ZNF362: variants seen among roughly 807,000 people sequenced by gnomAD.
The protein encoded by ZNF362 is rotund homolog.
Under a neutral mutation model 42.9 loss-of-function variants are expected in ZNF362, and 11 were observed. That is an observed-to-expected ratio of 0.26 (90% CI 0.16 to 0.42). The LOEUF (loss-of-function observed/expected upper bound fraction) is 0.42. ZNF362 is among the 20% of genes least tolerant of loss of function. The pLI is 1.00. For missense variants in ZNF362, 362 were observed against 576.2 expected (o/e 0.63, Z 3.81); for synonymous variants, 255 against 257.3 (o/e 0.99, Z 0.09).
chr1:33,262,514 A>G lies in ZNF362; in HGVS notation c.-89+5860A>G, dbSNP rs555272309. ...AGTAGAGATGGGGTTTCACCGTGTT[A>G]GCCAGGATGGTCTCGATCTCCTGAC... On this transcript the variant is annotated intron_variant, in intron 1 of 8. Coordinates refer to ENST00000539719, the MANE Select transcript of ZNF362 (RefSeq NM_152493.3). Among the ~76,000 whole-genome samples, 689 of 151,962 alleles carry G rather than the reference A, an allele frequency of 4.5e-3. 5 individuals carry two copies. Among genetic ancestry groups the G allele is most frequent in the African/African-American group, 0.015 (641 of 41,412 alleles).
the ZNF362 span, among the ~76,000 whole-genome samples, chr1:33,250,832 GAA>G: frequency 7.7e-6 from 1 of 129,272 alleles, no homozygotes; most frequent in Non-Finnish European, 1.7e-5. Flanking sequence ...AAGAAGAAAA[GAA>G]GAAGAAAGAA....
the ZNF362 span, among the ~76,000 whole-genome samples, chr1:33,218,121 A>G: frequency 6.6e-6 from 1 of 152,142 alleles, no homozygotes; most frequent in Admixed American, 6.5e-5. Context: ...TTTTAGGATA[A>G]ATTTCTAGAT....
chr1:33,213,237 AC>A, the ZNF362 span, among the ~76,000 whole-genome samples: 1 of 152,072 alleles, frequency 6.6e-6, no homozygotes, highest in African/African-American at 2.4e-5. Flanking sequence ...CAGGTGACCC[AC>A]CCACCTCAGC....
At chr1:33,149,915 C>T in the ZNF362 span, among the ~76,000 whole-genome samples, 1 of 152,230 alleles carries the variant, frequency 6.6e-6, no homozygotes, top group South Asian at 2.1e-4. Context: ...CAGGGCCTGG[C>T]TTGTGGCACA....
At chr1:33,167,969 A>T in the ZNF362 span, among the ~76,000 whole-genome samples, 1 of 152,212 alleles carries the variant, frequency 6.6e-6, no homozygotes, top group Non-Finnish European at 1.5e-5. This position sits in a 1 kb window ranked among gnomAD's most constrained non-coding sequence, Gnocchi z 4.2. Flanking sequence ...CCCTGATCAT[A>T]GGGACTAGTC....
chr1:33,167,356 C>CTTA, the ZNF362 span, among the ~76,000 whole-genome samples: 1 of 152,180 alleles, frequency 6.6e-6, no homozygotes, highest in Non-Finnish European at 1.5e-5. This position sits in a 1 kb window ranked among gnomAD's most constrained non-coding sequence, Gnocchi z 4.2. Flanking sequence ...TGTTCCCTGC[C>CTTA]TTATGCCCAG....
chr1:33,274,870 C>T (rs79297121), intron 2 of ZNF362: 10,030 of 860,354 alleles, frequency 0.012, 74 homozygotes, highest in Non-Finnish European at 0.013. Context: ...ATAATAATAC[C>T]TCTTGTGCCT....
At chr1:33,234,860 G>C in the ZNF362 span, among the ~76,000 whole-genome samples, 76 of 152,324 alleles carry the variant, frequency 5.0e-4, no homozygotes, top group Non-Finnish European at 9.8e-4. Flanking sequence ...GGAGATCAAA[G>C]AGTGGTTTCC....
At chr1:33,127,914 C>T in the ZNF362 span, among the ~76,000 whole-genome samples, 1 of 152,110 alleles carries the variant, frequency 6.6e-6, no homozygotes, top group East Asian at 1.9e-4. Context: ...GTCTTAATGA[C>T]AAGGACTCCT....
At chr1:33,277,652 G>A (rs995557798) in intron 4 of ZNF362, among the ~76,000 whole-genome samples, 43 of 152,304 alleles carry the variant, frequency 2.8e-4, no homozygotes, top group African/African-American at 1.0e-3. Context: ...GAAGTGGACA[G>A]ATATGAGATA....
At chr1:33,147,331 C>A in the ZNF362 span, 28 of 1,614,202 alleles carry the variant, frequency 1.7e-5, no homozygotes, top group East Asian at 4.2e-4. This position sits in a 1 kb window ranked among gnomAD's most constrained non-coding sequence, Gnocchi z 8.1. Context: ...GATGAGCAAG[C>A]CTTGGTCATA....
At chr1:33,188,105 G>T in the ZNF362 span, among the ~76,000 whole-genome samples, 106,633 of 151,696 alleles carry the variant, frequency 0.7, 38,013 homozygotes, top group Non-Finnish European at 0.76. Flanking sequence ...GTGGTGGCGG[G>T]TGCCTGTAAT....
chr1:33,288,802 G>A (rs1188199855), intron 6 of ZNF362, among the ~76,000 whole-genome samples: 3 of 148,342 alleles, frequency 2.0e-5, no homozygotes, highest in Non-Finnish European at 4.5e-5. Context: ...ACTTCCCATC[G>A]CCGCAGATGT....
At chr1:33,217,779 T>TCC in the ZNF362 span, among the ~76,000 whole-genome samples, 8 of 77,224 alleles carry the variant, frequency 1.0e-4, no homozygotes, top group Non-Finnish European at 2.7e-4. Context: ...ACTCCTTATG[T>TCC]TCACACACAC....
At chr1:33,298,891 C>T (rs367597987) in intron 8 of ZNF362, 39 bp from the exon 9 acceptor site, 19 of 1,566,052 alleles carry the variant, frequency 1.2e-5, no homozygotes, top group Non-Finnish European at 1.6e-5. Context: ...CCCTCCCTTG[C>T]TGGTGGTTCC....
the ZNF362 span, chr1:33,158,457 G>T: frequency 2.0e-6 from 2 of 1,005,928 alleles, no homozygotes; most frequent in Non-Finnish European, 1.6e-6. Flanking sequence ...AGGGCAGCTG[G>T]CATAGGATGT....
At chr1:33,188,008 G>A in the ZNF362 span, among the ~76,000 whole-genome samples, 1 of 152,080 alleles carries the variant, frequency 6.6e-6, no homozygotes, top group African/African-American at 2.4e-5. Context: ...GGCCGAGACG[G>A]GCAGATCACG....
At chr1:33,152,491 T>C in the ZNF362 span, among the ~76,000 whole-genome samples, 1 of 149,898 alleles carries the variant, frequency 6.7e-6, no homozygotes, top group South Asian at 2.1e-4. Flanking sequence ...CGCTTGAATC[T>C]GGGAGGCGGA....
chr1:33,253,730 T>C (rs138755214), upstream of ZNF362, among the ~76,000 whole-genome samples: 2,151 of 152,258 alleles, frequency 0.014, 57 homozygotes, highest in African/African-American at 0.049. Context: ...ATGATGATGA[T>C]AATGATGATA....
Sources: gnomAD v4.1 joint callset for allele counts (sites outside exome capture counted in the v4.1 genomes callset) on GRCh38, gnomAD v4.1.1 for gene constraint, Gnocchi (gnomAD v3.1) non-coding constraint, MANE v1.5 for transcripts, NCBI Gene and HGNC (gene_info 2026-07-23, HGNC 2026-07-21) for gene names.